Variants in PTPRZ1 observed in about 807,000 individuals in gnomAD.
PTPRZ1 encodes the protein receptor-type tyrosine-protein phosphatase zeta.
In PTPRZ1, 82 loss-of-function variants were observed where a neutral mutation model predicts 214.1. That is an observed-to-expected ratio of 0.38 (90% CI 0.32 to 0.46). The LOEUF (loss-of-function observed/expected upper bound fraction) is 0.46, where lower values mean the gene tolerates loss of function less well. Among genes scored for constraint, PTPRZ1 ranks in the 20% least tolerant of loss-of-function variants. PTPRZ1 has a pLI of 1.00. For missense variants in PTPRZ1, 2,603 were observed against 2,748.7 expected (o/e 0.95, Z 1.19); for synonymous variants, 945 against 987.9 (o/e 0.96, Z 0.81).
intron 27 of PTPRZ1, among the ~76,000 whole-genome samples, chr7:122,058,362 G>A (rs1034130430): frequency 2.6e-5 from 4 of 151,920 alleles, no homozygotes; most frequent in African/African-American, 4.8e-5. Context: ...CCTTGTCGGC[G>A]TTTTCTCCAC....
rs1232485167 is a variant in PTPRZ1, at chr7:122,013,199, G to T, written c.4153G>T (p.Gly1385Cys). 6.2e-7 allele frequency: 1 copy of T among 1,614,116 alleles called. No individual in the cohort carries two copies. The part of the protein sequence containing the change: ...AITAVSPHRD[G>C]SVTSTKLLFP... ...TACAGCTGTTTCTCCCCACAGAGAT[G>T]GTTCTGTAACCTCAACAAAGTTGCT... The change falls in exon 12 of 30, where the codon GGT (glycine) becomes TGT (cysteine). Residue 1385 changes from glycine to cysteine, a missense_variant. This residue lies in a region of PTPRZ1 where 1,913 missense variants were observed against 1,914.3 expected (regional missense o/e 1.00). Transcript: ENST00000393386.
Position 121,991,919 on chromosome 7 carries a change from G to T in PTPRZ1, c.929-4463G>T, listed in dbSNP as rs370185332. Reference sequence around the variant, plus strand: ...GTCACAACCTCATTGGTTACCTTCTGGGTCTGTAAGTCATTCAGCTTTTCT... The same window carrying T: ...GTCACAACCTCATTGGTTACCTTCTTGGTCTGTAAGTCATTCAGCTTTTCT... On this transcript the variant is annotated intron_variant, in intron 8 of 29. Transcript: ENST00000393386. Among the ~76,000 whole-genome samples, 3 of 152,162 alleles carry T rather than the reference G, an allele frequency of 2.0e-5. No individual in the cohort carries two copies. In the East Asian group the frequency reaches 5.8e-4, roughly 29 times the overall value.
At chr7:121,881,811 C>T (rs1395266910) in intron 1 of PTPRZ1, among the ~76,000 whole-genome samples, 1 of 152,200 alleles carries the variant, frequency 6.6e-6, no homozygotes, top group African/African-American at 2.4e-5. Context: ...AATGAACCAG[C>T]TTCCGAGATG....
At position 122,011,112 on chromosome 7, in the gene PTPRZ1, C is replaced by A. The variant is rs142785014; in HGVS notation, c.2066C>A (p.Thr689Lys). The part of the protein sequence containing the change: ...TEIRVDESEK[T>K]TKSFSAGPVM... ...ATACGTGTTGATGAATCTGAGAAGA[C>A]AACCAAGTCCTTTTCTGCAGGCCCA... Residue 689 changes from threonine to lysine, a missense_variant, in exon 12 of 30, where the codon ACA becomes AAA. Transcript: ENST00000393386. The A allele has an allele frequency of 7.4e-6, 12 of 1,613,990 alleles. No individual in the cohort carries two copies. In the African/African-American group the frequency reaches 1.1e-4, roughly 14 times the overall value.
At chr7:122,044,015 T>C (rs111458128) in intron 22 of PTPRZ1, among the ~76,000 whole-genome samples, 2,986 of 152,282 alleles carry the variant, frequency 0.02, 32 homozygotes, top group Middle Eastern at 0.027. Context: ...TTGAGTTAAA[T>C]TGTATATGAC....
chr7:121,936,982 C>T (rs1219273308), intron 2 of PTPRZ1, among the ~76,000 whole-genome samples: 3 of 152,174 alleles, frequency 2.0e-5, no homozygotes, highest in Admixed American at 1.3e-4. Flanking sequence ...GAGATAACCG[C>T]TTGACTGAAC....
chr7:121,950,992 T>A (rs1477554372), intron 2 of PTPRZ1, among the ~76,000 whole-genome samples: 1 of 152,210 alleles, frequency 6.6e-6, no homozygotes, highest in African/African-American at 2.4e-5. Context: ...AGTCATAAAA[T>A]ATAATTTTGA....
chr7:121,890,966 C>A (rs1205578355), intron 1 of PTPRZ1, among the ~76,000 whole-genome samples: 1 of 152,060 alleles, frequency 6.6e-6, no homozygotes, highest in Non-Finnish European at 1.5e-5. Context: ...ACTTGAGCCA[C>A]CATGCTTAGC....
intron 27 of PTPRZ1, among the ~76,000 whole-genome samples, chr7:122,056,260 G>T (rs545961247): frequency 6.6e-6 from 1 of 151,866 alleles, no homozygotes; most frequent in African/African-American, 2.4e-5. Flanking sequence ...CACTGATCAT[G>T]TTTAATATCT....
At position 122,010,446 on chromosome 7, in the gene PTPRZ1, A is replaced by T. The variant is rs758229531; in HGVS notation, c.1400A>T (p.Tyr467Phe). ...KEPQISTTTHYNRIGTKYNEA... is the reference protein window; with the variant it reads ...KEPQISTTTHFNRIGTKYNEA... The stretch of plus-strand genomic sequence containing the variant: ...CCCCAGATTTCTACCACAACACACT[A>T]CAATCGCATAGGGACGAAATACAAT... Residue 467 changes from tyrosine to phenylalanine, a missense_variant, in exon 12 of 30, where the codon TAC becomes TTC. Around this residue, in one of 6 missense-constraint regions of PTPRZ1, gnomAD observed 1,913 missense variants for 1,914.3 expected, o/e 1.00. Transcript: ENST00000393386. The T allele has an allele frequency of 6.2e-7, 1 of 1,614,088 alleles. No homozygotes were observed. Among genetic ancestry groups the T allele is most frequent in the Non-Finnish European group, 8.5e-7 (1 of 1,179,940 alleles).
At chr7:122,007,142 C>T (rs766257449) in intron 11 of PTPRZ1, among the ~76,000 whole-genome samples, 8 of 151,982 alleles carry the variant, frequency 5.3e-5, no homozygotes, top group Non-Finnish European at 7.4e-5. Flanking sequence ...CCTGAGAAAG[C>T]AGAGTAGAAT....
At chr7:122,051,340 T>C in intron 23 of PTPRZ1, 88 bp from the exon 24 acceptor site, 1 of 808,274 alleles carries the variant, frequency 1.2e-6, no homozygotes, top group East Asian at 2.5e-5. Flanking sequence ...GATTGGTGTG[T>C]GTGTGTGTGT....
rs780067103 is a variant in PTPRZ1, at chr7:122,051,843, A to C, written c.6179-23A>C. 1.9e-6 allele frequency: 3 copies of C among 1,593,932 alleles called. No individual in the cohort carries two copies. In the Admixed American group the frequency reaches 5.0e-5, roughly 27 times the overall value. On this transcript the variant is annotated intron_variant, in intron 24 of 29. Coordinates refer to ENST00000393386, the MANE Select transcript of PTPRZ1 (RefSeq NM_002851.3). ...GTTTTGTTTTGTTTTGTTTTGTTTT[A>C]CAATGAATGTTCTGTGTTCCAGTGG... is the stretch of plus-strand genomic sequence containing the variant.
intron 25 of PTPRZ1, among the ~76,000 whole-genome samples, chr7:122,052,988 G>A (rs1167131935): frequency 6.6e-6 from 1 of 152,148 alleles, no homozygotes; most frequent in East Asian, 1.9e-4. Flanking sequence ...AGATGAAAGA[G>A]CACCAATAAG....
Position 122,010,969 on chromosome 7 carries a change from A to T in PTPRZ1, c.1923A>T (p.Glu641Asp), listed in dbSNP as rs780692036. Reference protein sequence around the residue: ...SEDSTSSGSEESLKDPSMEGN... With the variant: ...SEDSTSSGSEDSLKDPSMEGN... ...ATTCAACTTCATCAGGTTCAGAAGA[A>T]TCACTAAAGGATCCTTCTATGGAGG... Residue 641 changes from glutamate to aspartate, a missense_variant, in exon 12 of 30, where the codon GAA becomes GAT. Coordinates refer to ENST00000393386, the MANE Select transcript of PTPRZ1 (RefSeq NM_002851.3). The T allele has an allele frequency of 6.2e-6, 10 of 1,614,052 alleles. No individual in the cohort carries two copies. In the Admixed American group the frequency reaches 1.7e-4, roughly 27 times the overall value.
At chr7:121,912,809 T>C (rs995657767) in intron 1 of PTPRZ1, among the ~76,000 whole-genome samples, 1 of 152,144 alleles carries the variant, frequency 6.6e-6, no homozygotes, top group African/African-American at 2.4e-5. Flanking sequence ...ATTTCCCGTT[T>C]TCTGTTTTCT....
rs539478125 is a variant in PTPRZ1, at chr7:122,057,731, C to T, written c.6529-1069C>T. 3.3e-5 allele frequency among the ~76,000 whole-genome samples: 5 copies of T among 149,386 alleles called. No individual in the cohort carries two copies. In the South Asian group the frequency reaches 1.0e-3, roughly 31 times the overall value. ...ATGTATTGATCTTTTTATTCCTGGC[C>T]TTTAAAAGGAAACCATCATTTAGTA... On this transcript the variant is annotated intron_variant, in intron 27 of 29. Coordinates refer to ENST00000393386, the MANE Select transcript of PTPRZ1 (RefSeq NM_002851.3).
chr7:121,919,684 G>A lies in PTPRZ1; in HGVS notation c.59-8472G>A, dbSNP rs1248363812. 4.0e-5 allele frequency among the ~76,000 whole-genome samples: 6 copies of A among 151,770 alleles called. 1 individual carries two copies. Among genetic ancestry groups the A allele is most frequent in the Admixed American group, 6.6e-5 (1 of 15,218 alleles). ...TACAATTTAATTTTTTTCACAAATA[G>A]TGTTCCCAACCTTTGAACCTTCATA... is the stretch of plus-strand genomic sequence containing the variant. On this transcript the variant is annotated intron_variant, in intron 1 of 29. Coordinates refer to ENST00000393386, the MANE Select transcript of PTPRZ1 (RefSeq NM_002851.3).
At chr7:121,969,110 C>T (rs1797136050) in intron 3 of PTPRZ1, among the ~76,000 whole-genome samples, 2 of 152,040 alleles carry the variant, frequency 1.3e-5, no homozygotes, top group African/African-American at 4.8e-5. Flanking sequence ...TGGTGGCACA[C>T]TCCTGTAATT....
Sources: allele counts gnomAD v4.1 joint callset (sites outside exome capture counted in the v4.1 genomes callset), GRCh38; gene constraint gnomAD v4.1.1; regional missense constraint gnomAD v4.1.1; transcripts MANE v1.5; gene names NCBI Gene and HGNC (gene_info 2026-07-23, HGNC 2026-07-21).